Variants in VWA5A observed in about 807,000 individuals in gnomAD.
The protein encoded by VWA5A is von Willebrand factor A domain-containing protein 5A.
VWA5A carries 77 observed loss-of-function variants against 84.6 expected under a neutral mutation model. The ratio of observed to expected loss-of-function variants is 0.91; its 90% CI spans 0.76 to 1.10. The LOEUF (loss-of-function observed/expected upper bound fraction) is 1.10. Ranked by LOEUF, VWA5A falls within the 50% of genes least tolerant of loss-of-function variation. The pLI is 0.00. For synonymous variants in VWA5A, 334 were observed against 350.1 expected, an observed-to-expected ratio of 0.95 and a Z score of 0.51; for missense variants, 973 against 963.0, an observed-to-expected ratio of 1.01 and a Z score of -0.14.
chr11:124,118,419 C>T lies in VWA5A; in HGVS notation c.469+8C>T, dbSNP rs1302674831. 6.2e-7 allele frequency: 1 copy of T among 1,613,644 alleles called. No homozygotes were observed. Among genetic ancestry groups the T allele is most frequent in the Admixed American group, 1.7e-5 (1 of 59,994 alleles). ...CTAGATACCAGTTCTCTGGTGAGTACCTCTCCCCTTTGAATTCTAGTGGTG... is the reference window on the plus strand; with the variant it reads ...CTAGATACCAGTTCTCTGGTGAGTATCTCTCCCCTTTGAATTCTAGTGGTG... On this transcript the variant is annotated splice_region_variant and intron_variant, in intron 5 of 18. Coordinates refer to ENST00000456829, the MANE Select transcript of VWA5A (RefSeq NM_001130142.2).
intron 11 of VWA5A, among the ~76,000 whole-genome samples, chr11:124,131,387 A>T (rs1279518812): frequency 6.6e-6 from 1 of 151,988 alleles, no homozygotes; most frequent in African/African-American, 2.4e-5. Flanking sequence ...TATTTTTGGA[A>T]TTTTTTTATT....
At chr11:124,141,874 GAA>G in intron 16 of VWA5A, 133 bp downstream of exon 16, 1 of 1,280,832 alleles carries the variant, frequency 7.8e-7, no homozygotes. Flanking sequence ...CCATGCATTG[GAA>G]AAGATTCATT....
At chr11:124,121,022 G>C (rs1864923862) in intron 7 of VWA5A, among the ~76,000 whole-genome samples, 1 of 152,134 alleles carries the variant, frequency 6.6e-6, no homozygotes, top group Non-Finnish European at 1.5e-5. Context: ...CTCAAGTCTT[G>C]CTTCCCAGGT....
Position 124,145,885 on chromosome 11 carries a change from T to C in VWA5A, c.2301T>C (p.Val767=). 1 of 1,585,442 alleles carries C rather than the reference T, an allele frequency of 6.3e-7. No individual in the cohort carries two copies. Among genetic ancestry groups the C allele is most frequent in the Non-Finnish European group, 8.6e-7 (1 of 1,161,846 alleles). Residue 767 remains valine, a synonymous_variant, in exon 19 of 19, where the codon GTT becomes GTC. Transcript: ENST00000456829. ...RAHAGSTMPS[V]VKAAITFLKS... ...CCACAGGCTCCACCATGCCTTCGGTTGTGAAAGCTGCTATTACTTTCCTGA... is the reference window on the plus strand; with the variant it reads ...CCACAGGCTCCACCATGCCTTCGGTCGTGAAAGCTGCTATTACTTTCCTGA...
chr11:124,144,423 G>T (rs1860780289), intron 17 of VWA5A, among the ~76,000 whole-genome samples: 1 of 152,194 alleles, frequency 6.6e-6, no homozygotes. Flanking sequence ...CATTTAAGGA[G>T]ATATATTTTT....
intron 13 of VWA5A, 64 bp from the exon 14 acceptor site, chr11:124,136,508 CTG>C: frequency 6.5e-7 from 1 of 1,549,330 alleles, no homozygotes; most frequent in Non-Finnish European, 8.9e-7. Flanking sequence ...TGCCCCTGTT[CTG>C]ATCCTTCCAT....
At chr11:124,143,811 A>G (rs779635730) in intron 17 of VWA5A, among the ~76,000 whole-genome samples, 6 of 152,212 alleles carry the variant, frequency 3.9e-5, no homozygotes, top group Non-Finnish European at 8.8e-5. Flanking sequence ...TGCACTGGGA[A>G]CAAAAAACTT....
chr11:124,124,568 G>A (rs1864988396), intron 11 of VWA5A: 2 of 1,206,162 alleles, frequency 1.7e-6, no homozygotes, highest in Admixed American at 4.5e-5. Context: ...ATAGTAAGAT[G>A]TTAATTTTTT....
In VWA5A at chr11:124,137,126, T is replaced by C. The variant is rs1860622825; in HGVS notation, c.1737T>C (p.Ser579=). 1.2e-6 allele frequency: 2 copies of C among 1,614,080 alleles called. No homozygotes were observed. Among genetic ancestry groups the C allele is most frequent in the Non-Finnish European group, 1.7e-6 (2 of 1,180,026 alleles). Residue 579 remains serine (S), a synonymous_variant, in exon 15 of 19, where the codon TCT becomes TCC. Transcript: ENST00000456829. The part of the protein sequence containing the change: ...KKDALNLSLE[S]GVISSFTAFI... ...ATGCATTGAACCTTAGCCTTGAGTC[T>C]GGTGTCATAAGCTCCTTCACAGCTT...
At chr11:124,145,759 A>T in intron 18 of VWA5A, 107 bp from the exon 19 acceptor site, 1 of 1,125,858 alleles carries the variant, frequency 8.9e-7, no homozygotes, top group East Asian at 2.6e-5. Context: ...AAAAGCAGGG[A>T]TATTGAGGAC....
intron 4 of VWA5A, 108 bp from the exon 5 acceptor site, chr11:124,118,081 G>T: frequency 7.5e-7 from 1 of 1,329,440 alleles, no homozygotes; most frequent in South Asian, 1.5e-5. Context: ...GTATAGCTGT[G>T]ATTAGACAAG....
chr11:124,145,356 C>T lies in VWA5A; in HGVS notation c.2274C>T (p.Ala758=). ...GGAAGGCCGTGGCCTGGATGCGTGC[C>T]CATGCAGGTAGGAGCACAATCCTAA... ...LERKAVAWMR[A]HAGSTMPSVV... The change falls in exon 18 of 19, where the codon GCC becomes GCT. Residue 758 remains alanine, a synonymous_variant. Transcript: ENST00000456829. 6.2e-7 allele frequency: 1 copy of T among 1,612,118 alleles called. No individual in the cohort carries two copies. The highest frequency in any genetic ancestry group is 1.7e-4 in the Middle Eastern group (1 of 6,054).
intron 12 of VWA5A, 70 bp downstream of exon 12, chr11:124,135,104 A>T: frequency 1.5e-6 from 2 of 1,358,876 alleles, no homozygotes; most frequent in Non-Finnish European, 2.1e-6. Context: ...GGTGGGGAAC[A>T]CTGTGTAAGG....
chr11:124,123,956 T>G, intron 10 of VWA5A, 152 bp downstream of exon 10: 1 of 1,206,904 alleles, frequency 8.3e-7, no homozygotes, highest in Non-Finnish European at 1.1e-6. Context: ...ATGATGCATT[T>G]GTCTTCTTCC....
intron 3 of VWA5A, 56 bp downstream of exon 3, chr11:124,117,610 G>C: frequency 6.2e-7 from 1 of 1,614,044 alleles, no homozygotes; most frequent in Non-Finnish European, 8.5e-7. Context: ...CTATCACAAG[G>C]CTTGATCTAC....
In VWA5A at chr11:124,136,437, C is replaced by G. The variant is rs1860586418; in HGVS notation, c.1525-137C>G. 9 of 1,425,164 alleles carry G rather than the reference C, an allele frequency of 6.3e-6. 1 individual carries two copies. Among genetic ancestry groups the G allele is most frequent in the Non-Finnish European group, 7.7e-6 (8 of 1,040,530 alleles). 88.3% of individuals were successfully genotyped at this position (1,425,164 alleles called of 1,614,324 possible). ...CTACTTCCTTCCCATCATTTCAGGT[C>G]TCCGGTTTCCTAGGCTACCTGATTC... On this transcript the variant is annotated intron_variant, in intron 13 of 18. Transcript: ENST00000456829.
intron 11 of VWA5A, among the ~76,000 whole-genome samples, chr11:124,127,145 T>G (rs2137641984): frequency 6.6e-6 from 1 of 152,244 alleles, no homozygotes; most frequent in African/African-American, 2.4e-5. Flanking sequence ...CATTAGATAT[T>G]TCTAATTCTA....
At position 124,145,511 on chromosome 11, in the gene VWA5A, G is replaced by A. The variant is rs188705982; in HGVS notation, c.2281+148G>A. ...GCTAGTTCTTTTCTTGGGAGGACAA[G>A]GGTGAAATATTAAATTGGGGACAAG... On this transcript the variant is annotated intron_variant, in intron 18 of 18. Transcript: ENST00000456829. 462 of 1,256,566 alleles carry A rather than the reference G, an allele frequency of 3.7e-4. 1 individual carries two copies. In the African/African-American group the frequency reaches 6.4e-3, roughly 17 times the overall value. 77.8% of individuals were successfully genotyped at this position (1,256,566 alleles called of 1,614,324 possible).
At position 124,118,172 on chromosome 11, in the gene VWA5A, C is replaced by T. The variant is rs764725489; in HGVS notation, c.247-17C>T. On this transcript the variant is annotated splice_polypyrimidine_tract_variant and intron_variant, in intron 4 of 18. Transcript: ENST00000456829. ...GATGTTCCCTTTCTTTCCCATCCCT[C>T]GCCCTGTGCTTCTCAGGCCCGCACC... The T allele has an allele frequency of 1.2e-5, 19 of 1,610,018 alleles. No individual in the cohort carries two copies. The highest frequency in any genetic ancestry group is 5.5e-5 in the South Asian group (5 of 90,640).
Sources: allele counts gnomAD v4.1 joint callset (sites outside exome capture counted in the v4.1 genomes callset), GRCh38; gene constraint gnomAD v4.1.1; transcripts MANE v1.5; gene names NCBI Gene and HGNC (gene_info 2026-07-23, HGNC 2026-07-21).